Variants in TRPM8 observed in about 807,000 individuals in gnomAD.
The protein encoded by TRPM8 is TRPM8 cationic channel.
A neutral mutation model predicts 133.7 loss-of-function variants in TRPM8; 110 were observed. The observed-to-expected ratio is 0.82, with a 90% confidence interval of 0.70 to 0.96. TRPM8 has a LOEUF of 0.96. Ranked by LOEUF, TRPM8 falls within the 40% of genes least tolerant of loss-of-function variation. TRPM8 has a pLI of 0.00. For missense variants in TRPM8, 1,291 were observed against 1,379.5 expected (o/e 0.94, Z 1.02); for synonymous variants, 535 against 532.3 (o/e 1.01, Z -0.07).
Position 233,930,746 on chromosome 2 carries a change from GCTA to G in TRPM8, c.191+9_191+11del. On this transcript the variant is annotated splice_donor_region_variant and intron_variant, in intron 3 of 25. Transcript: ENST00000324695. ...TACCAAAGATTCCAAGGCCACGTAA[GCTA>G]CTATTTTCCCTCCAGTTTTGCTTTC... 6.3e-7 allele frequency: 1 copy of G among 1,598,474 alleles called. No homozygotes were observed. The highest frequency in any genetic ancestry group is 1.7e-4 in the Middle Eastern group (1 of 5,998).
At chr2:233,984,853 G>A (rs1041368791) in intron 20 of TRPM8, among the ~76,000 whole-genome samples, 6 of 152,184 alleles carry the variant, frequency 3.9e-5, no homozygotes, top group African/African-American at 1.4e-4. Context: ...GGAGGCCGAG[G>A]CAGACGGATC....
intron 20 of TRPM8, among the ~76,000 whole-genome samples, chr2:233,983,564 G>A (rs1257132457): frequency 1.3e-5 from 2 of 152,090 alleles, no homozygotes; most frequent in African/African-American, 4.8e-5. Flanking sequence ...AGAGTGGCTG[G>A]GCTCCCATTT....
At chr2:233,930,288 T>C (rs539080968) in intron 2 of TRPM8, among the ~76,000 whole-genome samples, 1 of 152,338 alleles carries the variant, frequency 6.6e-6, no homozygotes, top group East Asian at 1.9e-4. Context: ...ATATGTCTTC[T>C]TTTAAACAGC....
At chr2:234,017,256 G>A (rs1445133717) in intron 25 of TRPM8, 43 bp from the exon 26 acceptor site, 2 of 467,376 alleles carry the variant, frequency 4.3e-6, no homozygotes, top group South Asian at 3.1e-5. Context: ...AATGGAAGTG[G>A]GAAATCTATT....
In TRPM8 at chr2:233,947,428, G is replaced by A. The variant is rs1045354012; in HGVS notation, c.942+273G>A. The stretch of plus-strand genomic sequence containing the variant: ...CAAAGAGAAGAGTTGACATTAATTC[G>A]GGAGACTTAAAGATTGTAACCGGCA... On this transcript the variant is annotated intron_variant, in intron 8 of 25. Transcript: ENST00000324695. 9.6e-6 allele frequency: 14 copies of A among 1,450,902 alleles called. No homozygotes were observed. In the African/African-American group the frequency reaches 1.1e-4, roughly 12 times the overall value. The allele number at this position is 1,450,902 out of a possible 1,614,324, so 89.9% of individuals were successfully genotyped here.
intron 25 of TRPM8, among the ~76,000 whole-genome samples, chr2:234,016,132 A>G (rs1692950302): frequency 6.6e-6 from 1 of 152,188 alleles, no homozygotes; most frequent in Non-Finnish European, 1.5e-5. Flanking sequence ...ACTTTTATTA[A>G]CATATTGAGA....
At chr2:233,973,261 C>G (rs1691777991) in intron 17 of TRPM8, among the ~76,000 whole-genome samples, 1 of 152,252 alleles carries the variant, frequency 6.6e-6, no homozygotes, top group Non-Finnish European at 1.5e-5. Context: ...CCATAGACCT[C>G]ATGGCTTTAA....
At chr2:233,984,117 G>A (rs1210268818) in intron 20 of TRPM8, among the ~76,000 whole-genome samples, 1 of 152,204 alleles carries the variant, frequency 6.6e-6, no homozygotes, top group Non-Finnish European at 1.5e-5. Flanking sequence ...AGGATCTAAA[G>A]AGGAATTGGC....
At chr2:233,964,826 A>T in intron 14 of TRPM8, 69 bp downstream of exon 14, 1 of 1,497,230 alleles carries the variant, frequency 6.7e-7, no homozygotes, top group Non-Finnish European at 9.1e-7. Context: ...TGCCAGCGGC[A>T]CTCATAGACC....
Position 234,019,462 on chromosome 2 carries a change from G to C in TRPM8, c.*2206G>C, listed in dbSNP as rs1336899871. 6.6e-6 allele frequency: 1 copy of C among 152,200 alleles called. No individual in the cohort carries two copies. The highest frequency in any genetic ancestry group is 1.5e-5 in the Non-Finnish European group (1 of 68,038). The allele number at this position is 152,200 out of a possible 1,614,324, so 9.4% of individuals were successfully genotyped here. ...GTGTCCTGTGTACTTTTGCACAACT[G>C]AGAATCCTGCAGCTTGGTTTAATGA... is the stretch of plus-strand genomic sequence containing the variant. On this transcript the variant is annotated 3_prime_UTR_variant, in exon 26 of 26. Coordinates refer to ENST00000324695, the MANE Select transcript of TRPM8 (RefSeq NM_024080.5).
intron 12 of TRPM8, among the ~76,000 whole-genome samples, chr2:233,961,697 T>G (rs1177722329): frequency 1.3e-5 from 2 of 149,924 alleles, no homozygotes; most frequent in East Asian, 3.9e-4. Context: ...TGGCCTGATC[T>G]GAGCTCACTG....
At chr2:233,959,892 G>A (rs781233617) in intron 11 of TRPM8, among the ~76,000 whole-genome samples, 5 of 151,126 alleles carry the variant, frequency 3.3e-5, no homozygotes, top group East Asian at 2.0e-4. Flanking sequence ...AGTGATTCTC[G>A]TGCCTCAGCC....
intron 7 of TRPM8, 29 bp from the exon 8 acceptor site, chr2:233,947,059 A>G (rs1172367841): frequency 6.2e-7 from 1 of 1,610,278 alleles, no homozygotes; most frequent in East Asian, 2.2e-5. Flanking sequence ...AATGAGCTCA[A>G]AATATGCTTT....
chr2:234,000,126 T>TA (rs1553669210), intron 22 of TRPM8, among the ~76,000 whole-genome samples: 1 of 151,334 alleles, frequency 6.6e-6, no homozygotes, highest in Non-Finnish European at 1.5e-5. Flanking sequence ...TTTATTTATT[T>TA]TTGAGACAGA....
chr2:233,931,971 T>C (rs1691688029), intron 3 of TRPM8, among the ~76,000 whole-genome samples: 1 of 152,214 alleles, frequency 6.6e-6, no homozygotes, highest in African/African-American at 2.4e-5. Flanking sequence ...CAGTGGAAGA[T>C]GGATGAGAGA....
At chr2:233,965,544 G>A (rs1352745673) in intron 14 of TRPM8, among the ~76,000 whole-genome samples, 1 of 152,144 alleles carries the variant, frequency 6.6e-6, no homozygotes. Flanking sequence ...AGAATTTCAG[G>A]CCTGCTCAGT....
intron 12 of TRPM8, among the ~76,000 whole-genome samples, chr2:233,961,437 C>G (rs1415400156): frequency 6.6e-6 from 1 of 152,040 alleles, no homozygotes; most frequent in Non-Finnish European, 1.5e-5. Context: ...TCCTGAGTAG[C>G]TGGGACTACA....
rs181575498 is a variant in TRPM8, at chr2:233,958,798, A to T, written c.1363-1978A>T. ...AATGTGTGATCCCCATGAGACCAAC[A>T]TTAGGCAGGAACAAAACTAATTAAT... is the stretch of plus-strand genomic sequence containing the variant. On this transcript the variant is annotated intron_variant, in intron 11 of 25. Coordinates refer to ENST00000324695, the MANE Select transcript of TRPM8 (RefSeq NM_024080.5). Among the ~76,000 whole-genome samples the T allele has an allele frequency of 1.5e-3, 227 of 152,264 alleles. 8 individuals are homozygous for T. In the South Asian group the frequency reaches 0.045, roughly 30 times the overall value.
At position 233,966,601 on chromosome 2, in the gene TRPM8, T is replaced by A. The variant is rs1483308553; in HGVS notation, c.1880-9T>A. 1 of 1,614,034 alleles carries A rather than the reference T, an allele frequency of 6.2e-7. No individual in the cohort carries two copies. The highest frequency in any genetic ancestry group is 8.5e-7 in the Non-Finnish European group (1 of 1,179,996). ...ACACCAGCTTCTCTCTGTGCTGATG[T>A]CGCTGTAGAGCTGTTCACTGAGTGT... On this transcript the variant is annotated splice_polypyrimidine_tract_variant and intron_variant, in intron 14 of 25. Coordinates refer to ENST00000324695, the MANE Select transcript of TRPM8 (RefSeq NM_024080.5).
Sources: gnomAD v4.1 joint callset for allele counts (sites outside exome capture counted in the v4.1 genomes callset) on GRCh38, gnomAD v4.1.1 for gene constraint, MANE v1.5 for transcripts, NCBI Gene and HGNC (gene_info 2026-07-23, HGNC 2026-07-21) for gene names.